WWOX: variants seen among roughly 807,000 people sequenced by gnomAD.
WWOX encodes WW domain containing oxidoreductase.
In WWOX, 69 loss-of-function variants were observed where a neutral mutation model predicts 46.2. That is an observed-to-expected ratio of 1.49 (90% CI 1.23 to 1.82). WWOX has a LOEUF of 1.82. WWOX is among the 40% of genes most tolerant of loss of function. WWOX has a pLI of 0.00. For synonymous variants in WWOX, 359 were observed against 202.6 expected (o/e 1.77, Z -6.56); for missense variants, 919 against 542.6 (o/e 1.69, Z -6.89).
chr16:78,242,492 TGAG>T (rs1567452509), intron 5 of WWOX, among the ~76,000 whole-genome samples: 1 of 152,204 alleles, frequency 6.6e-6, no homozygotes. Flanking sequence ...TAGTTTATAA[TGAG>T]GAGTTTTCTT....
chr16:79,031,048 G>A (rs1226872530), intron 8 of WWOX, among the ~76,000 whole-genome samples: 1 of 148,006 alleles, frequency 6.8e-6, no homozygotes, highest in Admixed American at 6.8e-5. Flanking sequence ...AGCCGAGATC[G>A]AGTCACTGCA....
chr16:78,787,184 C>T (rs1025172895), intron 8 of WWOX, among the ~76,000 whole-genome samples: 1 of 152,062 alleles, frequency 6.6e-6, no homozygotes, highest in Non-Finnish European at 1.5e-5. Flanking sequence ...AAAAAAAGTT[C>T]ACCACTTTGA....
intron 8 of WWOX, among the ~76,000 whole-genome samples, chr16:78,860,302 G>A (rs1044395499): frequency 5.3e-5 from 8 of 152,130 alleles, no homozygotes; most frequent in Non-Finnish European, 7.3e-5. Context: ...ATGAATAGTG[G>A]CCTACTTCTG....
chr16:78,627,888 C>G (rs1397570134), intron 8 of WWOX, among the ~76,000 whole-genome samples: 1 of 152,116 alleles, frequency 6.6e-6, no homozygotes, highest in Non-Finnish European at 1.5e-5. Flanking sequence ...GGCAAGAATC[C>G]CGTGGATTTG....
intron 8 of WWOX, among the ~76,000 whole-genome samples, chr16:79,050,823 A>T (rs999735544): frequency 6.6e-6 from 1 of 152,198 alleles, no homozygotes; most frequent in African/African-American, 2.4e-5. Flanking sequence ...CGCCTTTAGG[A>T]AACGAGATGA....
intron 8 of WWOX, among the ~76,000 whole-genome samples, chr16:78,509,303 G>C (rs1208973409): frequency 2.6e-5 from 4 of 152,198 alleles, no homozygotes; most frequent in Non-Finnish European, 5.9e-5. Flanking sequence ...AGCCGAGCGT[G>C]ATGGCCAGCA....
chr16:78,722,480 T>G (rs2048716781), intron 8 of WWOX, among the ~76,000 whole-genome samples: 1 of 152,202 alleles, frequency 6.6e-6, no homozygotes, highest in South Asian at 2.1e-4. Flanking sequence ...ATAGGAAGCA[T>G]CCAGTAAGTA....
At chr16:78,503,790 G>T (rs1464669673) in intron 8 of WWOX, 1 of 152,184 alleles carries the variant, frequency 6.6e-6, no homozygotes, top group Non-Finnish European at 1.5e-5. Flanking sequence ...TTCCAAGAAG[G>T]ATTCATATCT....
intron 8 of WWOX, among the ~76,000 whole-genome samples, chr16:78,670,669 T>TA (rs965113264): frequency 3.3e-5 from 5 of 151,906 alleles, no homozygotes; most frequent in African/African-American, 4.8e-5. Flanking sequence ...CCTTTTTAAT[T>TA]AAAAAAAAAT....
At chr16:78,864,293 A>G (rs2043954947) in intron 8 of WWOX, among the ~76,000 whole-genome samples, 2 of 151,310 alleles carry the variant, frequency 1.3e-5, no homozygotes, top group South Asian at 4.2e-4. Flanking sequence ...TTGAGAGAGA[A>G]TCTTGCTCTG....
rs144318863 is a variant in WWOX, at chr16:78,392,082, C to G, written c.605+5134C>G. On this transcript the variant is annotated intron_variant, in intron 6 of 8. Transcript: ENST00000566780. The stretch of plus-strand genomic sequence containing the variant: ...TCTCTAGAGCAGGGGTCCATGACCT[C>G]TAGGCCACAAACCAATAGCGGAGCC... 4.8e-3 allele frequency among the ~76,000 whole-genome samples: 728 copies of G among 151,632 alleles called. 10 individuals are homozygous for G. The highest frequency in any genetic ancestry group is 0.034 in the East Asian group (173 of 5,134).
intron 8 of WWOX, among the ~76,000 whole-genome samples, chr16:79,187,486 C>T (rs993243306): frequency 6.6e-6 from 1 of 152,182 alleles, no homozygotes; most frequent in African/African-American, 2.4e-5. Flanking sequence ...CTGCATTCTC[C>T]ATTTCCCAGG....
intron 8 of WWOX, chr16:79,202,755 G>A (rs1168431601): frequency 6.6e-6 from 1 of 152,174 alleles, no homozygotes; most frequent in African/African-American, 2.4e-5. Flanking sequence ...ATAGCAGCAT[G>A]CATAGCTTGT....
At chr16:78,789,783 C>T (rs1472568362) in intron 8 of WWOX, among the ~76,000 whole-genome samples, 1 of 152,162 alleles carries the variant, frequency 6.6e-6, no homozygotes, top group Non-Finnish European at 1.5e-5. Context: ...ATACAACTTG[C>T]AGGAAAAGCT....
intron 8 of WWOX, among the ~76,000 whole-genome samples, chr16:78,776,050 G>C (rs569127369): frequency 2.2e-4 from 34 of 152,288 alleles, no homozygotes; most frequent in African/African-American, 7.5e-4. Flanking sequence ...TAAACCTATA[G>C]GAGTATAACA....
At chr16:79,146,458 G>C (rs1433640225) in intron 8 of WWOX, among the ~76,000 whole-genome samples, 1 of 152,128 alleles carries the variant, frequency 6.6e-6, no homozygotes, top group Admixed American at 6.5e-5. Flanking sequence ...CCTGGGCAGC[G>C]TAGTAGAAGG....
At chr16:78,641,634 C>T (rs2550621) in intron 8 of WWOX, among the ~76,000 whole-genome samples, 65,478 of 151,964 alleles carry the variant, frequency 0.43, 16,708 homozygotes, top group Middle Eastern at 0.61. Context: ...ATGCCCGGCT[C>T]GTGGTTAACC....
intron 8 of WWOX, among the ~76,000 whole-genome samples, chr16:79,042,878 C>T (rs1373251219): frequency 8.5e-5 from 13 of 152,116 alleles, no homozygotes; most frequent in Admixed American, 5.9e-4. Flanking sequence ...GCTTTTATTG[C>T]TTCTATTCAT....
Position 79,167,718 on chromosome 16 carries a change from C to T in WWOX, c.1057-43890C>T, listed in dbSNP as rs549154641. Among the ~76,000 whole-genome samples the T allele has an allele frequency of 7.9e-5, 12 of 152,290 alleles. No homozygotes were observed. The South Asian group carries it at 2.1e-3, about 26-fold the overall frequency. On this transcript the variant is annotated intron_variant, in intron 8 of 8. Transcript: ENST00000566780. ...AAACCCTTGTATCCTTGTTTTGTTTCGTTTCCCTGCAAACATTGTTTTAGT... is the reference window on the plus strand; with the variant it reads ...AAACCCTTGTATCCTTGTTTTGTTTTGTTTCCCTGCAAACATTGTTTTAGT...
Sources: allele counts gnomAD v4.1 joint callset (sites outside exome capture counted in the v4.1 genomes callset), GRCh38; gene constraint gnomAD v4.1.1; transcripts MANE v1.5; gene names NCBI Gene and HGNC (gene_info 2026-07-23, HGNC 2026-07-21).